The following LRRTM4 variants were observed in gnomAD, a reference collection of about 807,000 sequenced individuals.
LRRTM4 encodes the protein leucine-rich repeat transmembrane neuronal protein 4.
In LRRTM4, 25 loss-of-function variants were observed where a neutral mutation model predicts 47.6. The observed-to-expected ratio is 0.53, with a 90% CI of 0.38 to 0.73. The LOEUF is 0.73. Ranked by LOEUF, LRRTM4 falls within the 30% of genes least tolerant of loss-of-function variation. The probability of loss-of-function intolerance (pLI) is 0.00; values close to 1 mark genes in which losing one functional copy is unlikely to be tolerated. For synonymous variants in LRRTM4, 311 were observed against 269.5 expected (o/e 1.15, Z -1.51); for missense variants, 638 against 713.4 (o/e 0.89, Z 1.20).
intron 3 of LRRTM4, among the ~76,000 whole-genome samples, chr2:77,294,061 G>C (rs973548975): frequency 6.6e-6 from 1 of 152,100 alleles, no homozygotes; most frequent in African/African-American, 2.4e-5. Context: ...ATGCATGTGT[G>C]TATGCATATA....
At chr2:76,976,923 T>C (rs1406663305) in intron 3 of LRRTM4, among the ~76,000 whole-genome samples, 1 of 151,848 alleles carries the variant, frequency 6.6e-6, no homozygotes, top group Non-Finnish European at 1.5e-5. Context: ...AAACATTGTA[T>C]ACATGTGTCG....
At chr2:77,360,196 G>T (rs1263015106) in intron 3 of LRRTM4, among the ~76,000 whole-genome samples, 2 of 152,018 alleles carry the variant, frequency 1.3e-5, no homozygotes, top group Non-Finnish European at 2.9e-5. Flanking sequence ...AGTGGCTCAC[G>T]CCTGTAATCC....
At chr2:77,097,494 T>C (rs538037486) in intron 3 of LRRTM4, among the ~76,000 whole-genome samples, 1 of 152,082 alleles carries the variant, frequency 6.6e-6, no homozygotes, top group South Asian at 2.1e-4. Flanking sequence ...CAAGATTTCA[T>C]GTTTTACAGA....
In LRRTM4 at chr2:77,435,758, T is replaced by A. The variant is rs116130588; in HGVS notation, c.1551+82560A>T. 9.8e-3 allele frequency among the ~76,000 whole-genome samples: 1,499 copies of A among 152,236 alleles called. 28 individuals are homozygous for A. The highest frequency in any genetic ancestry group is 0.035 in the African/African-American group (1,440 of 41,560). On this transcript the variant is annotated intron_variant, in intron 3 of 3. Coordinates refer to ENST00000409884, the MANE Select transcript of LRRTM4 (RefSeq NM_001134745.3). ...GTTAATAGTGGCAAGGCTGAGAACC[T>A]CTAAAGCTGGACAACTAGGTCCTCT... is the stretch of plus-strand genomic sequence containing the variant.
chr2:76,883,993 T>G (rs550653206), intron 3 of LRRTM4, among the ~76,000 whole-genome samples: 1 of 152,112 alleles, frequency 6.6e-6, no homozygotes, highest in East Asian at 1.9e-4. Context: ...AATTTTTTTT[T>G]TTTTTTGGTA....
chr2:77,146,540 T>G (rs1672266625), intron 3 of LRRTM4, among the ~76,000 whole-genome samples: 1 of 152,168 alleles, frequency 6.6e-6, no homozygotes, highest in Non-Finnish European at 1.5e-5. Flanking sequence ...TTGAAAATTA[T>G]CAAACAATGA....
chr2:77,299,781 T>C (rs1677078635), intron 3 of LRRTM4, among the ~76,000 whole-genome samples: 1 of 151,958 alleles, frequency 6.6e-6, no homozygotes, highest in South Asian at 2.1e-4. Context: ...AGAAAACATG[T>C]TGACAGATAT....
At chr2:76,839,253 A>G (rs1340850389) in intron 3 of LRRTM4, among the ~76,000 whole-genome samples, 3 of 152,224 alleles carry the variant, frequency 2.0e-5, no homozygotes, top group African/African-American at 7.2e-5. Context: ...TTTATCCTCA[A>G]ATGACAATTT....
chr2:77,421,561 G>T (rs1436902116), intron 3 of LRRTM4, among the ~76,000 whole-genome samples: 1 of 152,130 alleles, frequency 6.6e-6, no homozygotes, highest in African/African-American at 2.4e-5. Context: ...CAAAAAATTA[G>T]CCGGGCGTGT....
intron 3 of LRRTM4, among the ~76,000 whole-genome samples, chr2:76,802,119 C>G (rs898042121): frequency 6.6e-6 from 1 of 151,724 alleles, no homozygotes; most frequent in Non-Finnish European, 1.5e-5. Flanking sequence ...AAGTCCTAGC[C>G]CGAGCAATTA....
chr2:77,351,266 T>C (rs954418355), intron 3 of LRRTM4, among the ~76,000 whole-genome samples: 2 of 148,204 alleles, frequency 1.3e-5, no homozygotes, highest in African/African-American at 5.1e-5. Flanking sequence ...CACTGTGAAA[T>C]AAAGTAGGAA....
chr2:77,372,222 T>C (rs1030190289), intron 3 of LRRTM4, among the ~76,000 whole-genome samples: 3 of 151,832 alleles, frequency 2.0e-5, no homozygotes, highest in Non-Finnish European at 4.4e-5. Context: ...AGAATTAATC[T>C]CTACCTTCCA....
rs567590098 is a variant in LRRTM4 at position 76,747,837 on chromosome 2, C to G, written c.*858G>C. ...TGTGTTTAGAAATTTGTCAGCTTGG[C>G]AGTTTCATTCATTGAGCCCATGGTC... On this transcript the variant is annotated 3_prime_UTR_variant, in exon 4 of 4. Coordinates refer to ENST00000409884, the MANE Select transcript of LRRTM4 (RefSeq NM_001134745.3). 1 of 152,256 alleles carries G rather than the reference C, an allele frequency of 6.6e-6. No homozygotes were observed. Among genetic ancestry groups the G allele is most frequent in the Admixed American group, 6.5e-5 (1 of 15,284 alleles). The allele number at this position is 152,256 out of a possible 1,614,324, so 9.4% of individuals were successfully genotyped here.
In LRRTM4 at chr2:77,050,771, G is replaced by A. The variant is rs200669781; in HGVS notation, c.1552-301855C>T. Among the ~76,000 whole-genome samples the A allele has an allele frequency of 3.9e-5, 6 of 151,982 alleles. No homozygotes were observed. The South Asian group carries it at 8.3e-4, about 21-fold the overall frequency. On this transcript the variant is annotated intron_variant, in intron 3 of 3. Coordinates refer to ENST00000409884, the MANE Select transcript of LRRTM4 (RefSeq NM_001134745.3). ...ACCACTCTTTCTACTTCTGTAAAAC[G>A]GAAAAGTAATTTTATTTATTTCATA... is the stretch of plus-strand genomic sequence containing the variant.
intron 3 of LRRTM4, among the ~76,000 whole-genome samples, chr2:76,801,798 G>A (rs1675706199): frequency 6.6e-6 from 1 of 152,086 alleles, no homozygotes; most frequent in Admixed American, 6.6e-5. Flanking sequence ...TTTATGCCTA[G>A]GAAGCAATGA....
intron 3 of LRRTM4, among the ~76,000 whole-genome samples, chr2:77,001,722 A>C (rs1045013305): frequency 1.2e-4 from 18 of 152,174 alleles, no homozygotes; most frequent in Admixed American, 1.2e-3. Context: ...GAGACACTGA[A>C]GGACAAAGAA....
At chr2:76,889,007 A>T (rs1673167787) in intron 3 of LRRTM4, among the ~76,000 whole-genome samples, 1 of 151,926 alleles carries the variant, frequency 6.6e-6, no homozygotes, top group South Asian at 2.1e-4. Context: ...GTACTTAAAC[A>T]TCTCATGGCA....
intron 3 of LRRTM4, among the ~76,000 whole-genome samples, chr2:77,213,553 C>A (rs1359522304): frequency 1.3e-5 from 2 of 152,080 alleles, no homozygotes; most frequent in Non-Finnish European, 2.9e-5. Flanking sequence ...ATGTTAGCTA[C>A]CATCATTATA....
At chr2:77,329,068 C>T (rs17013999) in intron 3 of LRRTM4, among the ~76,000 whole-genome samples, 5,999 of 152,260 alleles carry the variant, frequency 0.039, 210 homozygotes, top group African/African-American at 0.098. Flanking sequence ...TCAACAGAGT[C>T]TCCTGAGCTT....
Sources: gnomAD v4.1 joint callset for allele counts (sites outside exome capture counted in the v4.1 genomes callset) on GRCh38, gnomAD v4.1.1 for gene constraint, MANE v1.5 for transcripts, NCBI Gene and HGNC (gene_info 2026-07-23, HGNC 2026-07-21) for gene names.